The following AR variants were observed in gnomAD, a reference collection of about 807,000 sequenced individuals.
AR encodes androgen receptor.
In AR, 8 loss-of-function variants were observed where a neutral mutation model predicts 53.9. The observed-to-expected ratio is 0.15, with a 90% confidence interval of 0.09 to 0.27. AR has a LOEUF of 0.27. Ranked by LOEUF, AR falls within the 10% of genes least tolerant of loss-of-function variation. The pLI is 1.00. For synonymous variants in AR, 359 were observed against 316.4 expected (o/e 1.13, Z -1.43); for missense variants, 639 against 742.5 (o/e 0.86, Z 1.62).
At chrX:67,658,478 C>G (rs1926696821) in intron 2 of AR, among the ~76,000 whole-genome samples, 1 of 112,149 alleles carries the variant, frequency 8.9e-6, no homozygotes, top group Non-Finnish European at 1.9e-5. Context: ...TAGACAGGGT[C>G]TTGCTATGTT....
At chrX:67,557,151 G>A (rs1921091312) in intron 1 of AR, among the ~76,000 whole-genome samples, 1 of 109,475 alleles carries the variant, frequency 9.1e-6, no homozygotes, top group African/African-American at 3.3e-5. Context: ...AGCAAGGGGG[G>A]AAGCAGGGAA....
At chrX:67,677,815 T>TTAGACG (rs2147486682) in intron 2 of AR, among the ~76,000 whole-genome samples, 1 of 111,439 alleles carries the variant, frequency 9.0e-6, no homozygotes, top group African/African-American at 3.3e-5. Flanking sequence ...ATGAGATTGT[T>TTAGACG]GGATTAGATG....
intron 3 of AR, among the ~76,000 whole-genome samples, chrX:67,687,931 ACC>A (rs1360733179): frequency 1.8e-5 from 2 of 112,454 alleles, no homozygotes; most frequent in Non-Finnish European, 3.8e-5. Context: ...ATTACAGTGA[ACC>A]ACTTTTGAAA....
chrX:67,546,634 C>G lies in AR; in HGVS notation c.1488C>G (p.Asp496Glu), dbSNP rs2147322678. The G allele has an allele frequency of 1.7e-6, 2 of 1,199,428 alleles. No homozygotes were observed. Among genetic ancestry groups the G allele is most frequent in the Non-Finnish European group, 2.2e-6 (2 of 889,622 alleles). Residue 496 changes from aspartate (D) to glutamate (E), a missense_variant, in exon 1 of 8, where the codon GAC (aspartate) becomes GAG (glutamate). Asp to Glu is a conservative substitution (Grantham distance 45). This residue lies in a region of AR where 423 missense variants were observed against 377.0 expected (regional missense o/e 1.12). Transcript: ENST00000374690. ...AGGGGCTGGCGGGCCAGGAAAGCGA[C>G]TTCACCGCACCTGATGTGTGGTACC... Reference protein sequence around the residue: ...PPQGLAGQESDFTAPDVWYPG... With the variant: ...PPQGLAGQESEFTAPDVWYPG...
chrX:67,656,246 C>G (rs909199442), intron 2 of AR, among the ~76,000 whole-genome samples: 1 of 111,581 alleles, frequency 9.0e-6, no homozygotes, highest in Non-Finnish European at 1.9e-5. Flanking sequence ...TTGTATGCAT[C>G]CAGAGACAAA....
At chrX:67,723,510 G>A (rs1426350380) in intron 7 of AR, among the ~76,000 whole-genome samples, 176 bp from the exon 8 acceptor site, 4 of 40,750 alleles carry the variant, frequency 9.8e-5, no homozygotes, top group Non-Finnish European at 2.3e-4. Flanking sequence ...CTCTCTCGCT[G>A]TCTCTCTCTA....
chrX:67,640,708 TC>T (rs1410835835), intron 1 of AR, among the ~76,000 whole-genome samples: 3 of 111,208 alleles, frequency 2.7e-5, no homozygotes, highest in Non-Finnish European at 5.7e-5. Context: ...TTCTCTCTTT[TC>T]TTCTTTAGTA....
chrX:67,696,554 A>G (rs1283562288), intron 3 of AR, among the ~76,000 whole-genome samples: 1 of 112,220 alleles, frequency 8.9e-6, no homozygotes, highest in Non-Finnish European at 1.9e-5. Flanking sequence ...AAATAGTCCA[A>G]CATAAACCTT....
At chrX:67,678,042 A>G (rs2075910874) in intron 2 of AR, among the ~76,000 whole-genome samples, 1 of 111,235 alleles carries the variant, frequency 9.0e-6, no homozygotes. Flanking sequence ...GTGATCTTCA[A>G]GCAAATTCTC....
chrX:67,609,530 T>A (rs1199696292), intron 1 of AR, among the ~76,000 whole-genome samples: 1 of 111,670 alleles, frequency 9.0e-6, no homozygotes, highest in African/African-American at 3.2e-5. Context: ...TTTATTTTTA[T>A]TTAAGGCATC....
chrX:67,706,993 T>C (rs1451498331), intron 3 of AR, among the ~76,000 whole-genome samples: 1 of 112,223 alleles, frequency 8.9e-6, no homozygotes, highest in East Asian at 2.8e-4. Flanking sequence ...TCCAGTTTGA[T>C]TGCACTGTGG....
chrX:67,710,884 TA>T (rs1290352388), intron 3 of AR, among the ~76,000 whole-genome samples: 1 of 111,676 alleles, frequency 9.0e-6, no homozygotes, highest in Non-Finnish European at 1.9e-5. Context: ...CCCACCTATG[TA>T]AAAAGATTAG....
chrX:67,717,652 A>G (rs2147531300), intron 5 of AR, 30 bp downstream of exon 5: 4 of 1,210,224 alleles, frequency 3.3e-6, no homozygotes, highest in African/African-American at 1.7e-5. Flanking sequence ...AGACCTCACT[A>G]AAATACAGCA....
intron 1 of AR, among the ~76,000 whole-genome samples, chrX:67,580,598 G>T (rs906124973): frequency 9.0e-6 from 1 of 111,334 alleles, no homozygotes; most frequent in Admixed American, 9.5e-5. Flanking sequence ...CAATTCCCAT[G>T]ACTTGTCTTT....
intron 2 of AR, among the ~76,000 whole-genome samples, chrX:67,677,256 A>C (rs755457294): frequency 8.0e-5 from 9 of 111,988 alleles, no homozygotes; most frequent in Non-Finnish European, 1.7e-4. Flanking sequence ...AAATCACATG[A>C]TCTTCCAGGA....
intron 3 of AR, among the ~76,000 whole-genome samples, chrX:67,701,991 T>G (rs1470604816): frequency 9.0e-6 from 1 of 111,049 alleles, no homozygotes. Flanking sequence ...TCCTCAACTC[T>G]GCTTTTGAGT....
intron 1 of AR, among the ~76,000 whole-genome samples, chrX:67,576,746 T>A (rs1484953604): frequency 1.8e-5 from 2 of 110,688 alleles, no homozygotes; most frequent in African/African-American, 6.6e-5. Context: ...CCTACTCAGG[T>A]AGATGTACCA....
rs1473401651 is a variant in AR, at chrX:67,725,847, A to G, written c.*2006A>G. 1 of 173,892 alleles carries G rather than the reference A, an allele frequency of 5.8e-6. No homozygotes were observed. The highest frequency in any genetic ancestry group is 1.1e-5 in the Non-Finnish European group (1 of 91,460). The allele number at this position is 173,892 out of a possible 1,213,427, so 14.3% of individuals were successfully genotyped here. A position where few individuals can be genotyped will look rare whatever the true frequency, so the allele number is the denominator to read the frequency against. On this transcript the variant is annotated 3_prime_UTR_variant, in exon 8 of 8. Transcript: ENST00000374690. ...ATGAACTCAGGGTGTGCCCTGGGAC[A>G]CTGGTTTTATATAGTCTTTTGGCAC... is the stretch of plus-strand genomic sequence containing the variant.
chrX:67,639,256 C>T (rs146839528), intron 1 of AR, among the ~76,000 whole-genome samples: 2,068 of 111,851 alleles, frequency 0.018, 26 homozygotes, highest in Non-Finnish European at 0.032. Context: ...AGCATGATGC[C>T]TCCAGCTTTG....
Sources: allele counts gnomAD v4.1 joint callset (sites outside exome capture counted in the v4.1 genomes callset), GRCh38; gene constraint gnomAD v4.1.1; regional missense constraint gnomAD v4.1.1; transcripts MANE v1.5; gene names NCBI Gene and HGNC (gene_info 2026-07-23, HGNC 2026-07-21).